Variants in RBM27 observed in about 807,000 individuals in gnomAD.
The protein encoded by RBM27 is RNA-binding protein 27.
A neutral mutation model predicts 135.3 loss-of-function variants in RBM27; 22 were observed. The ratio of observed to expected loss-of-function variants is 0.16; its 90% CI spans 0.12 to 0.23. The LOEUF (loss-of-function observed/expected upper bound fraction) is 0.23. Among genes scored for constraint, RBM27 ranks in the 10% least tolerant of loss-of-function variants. The pLI is 1.00. For missense variants in RBM27, 1,009 were observed against 1,281.0 expected, an observed-to-expected ratio of 0.79 and a Z score of 3.24; for synonymous variants, 481 against 442.4, an observed-to-expected ratio of 1.09 and a Z score of -1.10.
intron 19 of RBM27, among the ~76,000 whole-genome samples, chr5:146,277,205 G>A (rs759610802): frequency 6.6e-6 from 1 of 152,126 alleles, no homozygotes; most frequent in African/African-American, 2.4e-5. Context: ...TAAAGGAGAA[G>A]GCACAACAAA....
chr5:146,239,454 C>CT (rs1191100638), intron 8 of RBM27, among the ~76,000 whole-genome samples: 25 of 127,518 alleles, frequency 2.0e-4, no homozygotes, highest in Admixed American at 2.3e-4. Context: ...CTTCTAACTC[C>CT]TTTTTTTTTT....
At chr5:146,215,084 C>T (rs1305835570) in intron 1 of RBM27, among the ~76,000 whole-genome samples, 1 of 152,112 alleles carries the variant, frequency 6.6e-6, no homozygotes, top group Non-Finnish European at 1.5e-5. Flanking sequence ...GAGTCGCGCT[C>T]TATCGCCCAG....
At chr5:146,216,158 G>A (rs544031839) in intron 1 of RBM27, among the ~76,000 whole-genome samples, 2 of 152,278 alleles carry the variant, frequency 1.3e-5, no homozygotes, top group South Asian at 4.1e-4. Flanking sequence ...TTGGGCTCAT[G>A]TGATTCTCCC....
chr5:146,255,864 T>C (rs1022803785), intron 10 of RBM27, among the ~76,000 whole-genome samples: 3 of 151,686 alleles, frequency 2.0e-5, no homozygotes, highest in Non-Finnish European at 4.4e-5. Context: ...TCTTCTTCTT[T>C]TTTTTTTTTG....
intron 18 of RBM27, 30 bp from the exon 19 acceptor site, chr5:146,271,453 T>C (rs201264510): frequency 1.3e-5 from 20 of 1,550,872 alleles, no homozygotes; most frequent in Non-Finnish European, 1.7e-5. Flanking sequence ...TAATAATGTA[T>C]GCTACATTCT....
rs1262968980 is a variant in RBM27, at chr5:146,229,845, G to C, written c.524G>C (p.Gly175Ala). Residue 175 changes from glycine to alanine, a missense_variant, in exon 5 of 21, where the codon GGC becomes GCC. Physicochemically the swap from Gly to Ala is moderately conservative, Grantham distance 60. Transcript: ENST00000265271. ...GRSKSRSKSR[G>A]LSRSRSRSRG... ...AGTAAGAGTCGGAGTAAGAGTCGAGGCCTGAGTCGCAGTAGAAGCCGAAGT... is the reference window on the plus strand; with the variant it reads ...AGTAAGAGTCGGAGTAAGAGTCGAGCCCTGAGTCGCAGTAGAAGCCGAAGT... The C allele has an allele frequency of 3.1e-6, 5 of 1,614,012 alleles. No individual in the cohort carries two copies. Among genetic ancestry groups the C allele is most frequent in the East Asian group, 2.2e-5 (1 of 44,886 alleles).
In RBM27 at chr5:146,220,431, C is replaced by T. The variant is rs1367259389; in HGVS notation, c.178+1328C>T. 8.1e-5 allele frequency among the ~76,000 whole-genome samples: 12 copies of T among 147,398 alleles called. No individual in the cohort carries two copies. The South Asian group carries it at 2.1e-3, about 26-fold the overall frequency. ...CAGAGGTTGCAGTGAGCCAAGATCG[C>T]GCCACTGCATTCCAGAATGGGCGAC... On this transcript the variant is annotated intron_variant, in intron 2 of 20. Transcript: ENST00000265271.
At chr5:146,206,303 G>GT (rs761175102) in intron 1 of RBM27, among the ~76,000 whole-genome samples, 1,340 of 89,882 alleles carry the variant, frequency 0.015, 28 homozygotes, top group African/African-American at 0.045. Flanking sequence ...TTCGTTTTTT[G>GT]TTTTTTTTTT....
At chr5:146,245,429 AAAGT>A (rs1159372908) in intron 8 of RBM27, among the ~76,000 whole-genome samples, 2 of 152,276 alleles carry the variant, frequency 1.3e-5, no homozygotes, top group Admixed American at 1.3e-4. Flanking sequence ...GATGTGTGAA[AAAGT>A]AAGAGTAGCA....
At chr5:146,220,402 G>C (rs1183779330) in intron 2 of RBM27, among the ~76,000 whole-genome samples, 3 of 151,086 alleles carry the variant, frequency 2.0e-5, no homozygotes, top group African/African-American at 7.3e-5. Flanking sequence ...TTGAACCCAG[G>C]AGGCAGAGGT....
In RBM27 at chr5:146,260,792, A is replaced by G. The variant is rs1758363120; in HGVS notation, c.1787A>G (p.Gln596Arg). 1 of 1,611,982 alleles carries G rather than the reference A, an allele frequency of 6.2e-7. No homozygotes were observed. Residue 596 changes from glutamine to arginine, a missense_variant, in exon 12 of 21, where the codon CAG becomes CGG. Gln to Arg is a conservative substitution (Grantham distance 43). This residue lies in a region of RBM27 where 329 missense variants were observed against 368.1 expected (regional missense o/e 0.89). Transcript: ENST00000265271. Reference sequence around the variant, plus strand: ...AAACCAGGGTTCTTACGAAAGAATCAGTATACAAACACCAAATTAGAAGTC... The same window carrying G: ...AAACCAGGGTTCTTACGAAAGAATCGGTATACAAACACCAAATTAGAAGTC... ...QNKPGFLRKN[Q>R]YTNTKLEVKK... is the part of the protein sequence containing the mutation.
chr5:146,258,410 C>A (rs758899326), intron 10 of RBM27, 39 bp from the exon 11 acceptor site: 2 of 1,488,632 alleles, frequency 1.3e-6, no homozygotes, highest in Non-Finnish European at 1.8e-6. Flanking sequence ...CATTGAGACT[C>A]CTGAAAAACT....
chr5:146,241,524 C>G (rs1170707965), intron 8 of RBM27, among the ~76,000 whole-genome samples: 2 of 152,180 alleles, frequency 1.3e-5, no homozygotes, highest in Non-Finnish European at 2.9e-5. Context: ...CTCTGTTGCC[C>G]AGGCTAGAGT....
At chr5:146,204,304 C>T (rs940730508) in intron 1 of RBM27, among the ~76,000 whole-genome samples, 1 of 151,942 alleles carries the variant, frequency 6.6e-6, no homozygotes, top group African/African-American at 2.4e-5. Flanking sequence ...AGGGCAGAAG[C>T]GGATAGCAGG....
chr5:146,236,983 G>T (rs1348017535), intron 7 of RBM27, among the ~76,000 whole-genome samples: 1 of 145,442 alleles, frequency 6.9e-6, no homozygotes, highest in Non-Finnish European at 1.5e-5. Context: ...TTGTTGCCCA[G>T]GCTGGAGTGC....
intron 19 of RBM27, among the ~76,000 whole-genome samples, chr5:146,276,044 G>A (rs1759079014): frequency 6.6e-6 from 1 of 152,020 alleles, no homozygotes; most frequent in Non-Finnish European, 1.5e-5. Context: ...TGGGATTACA[G>A]GCATGAGCCA....
At chr5:146,215,385 A>T (rs114062219) in intron 1 of RBM27, among the ~76,000 whole-genome samples, 3,350 of 152,276 alleles carry the variant, frequency 0.022, 144 homozygotes, top group African/African-American at 0.077. Context: ...TCAGTTATCC[A>T]ATATCTGAAT....
At chr5:146,252,684 C>G (rs577112292) in intron 9 of RBM27, among the ~76,000 whole-genome samples, 5 of 152,228 alleles carry the variant, frequency 3.3e-5, no homozygotes, top group Non-Finnish European at 7.4e-5. Flanking sequence ...TTGGCATAAG[C>G]AGGGAAGCTG....
In RBM27 at chr5:146,243,721, T is replaced by G. The variant is rs184809752; in HGVS notation, c.1279+6289T>G. Among the ~76,000 whole-genome samples the G allele has an allele frequency of 2.0e-5, 3 of 152,298 alleles. No homozygotes were observed. In the East Asian group the frequency reaches 5.8e-4, roughly 29 times the overall value. On this transcript the variant is annotated intron_variant, in intron 8 of 20. Coordinates refer to ENST00000265271, the MANE Select transcript of RBM27 (RefSeq NM_018989.2). ...TTAAAAGTTTAACAAGTTGGGAAAG[T>G]TTAAATTATGGATATTTTATTGTCA...
Sources: allele counts gnomAD v4.1 joint callset (sites outside exome capture counted in the v4.1 genomes callset), GRCh38; gene constraint gnomAD v4.1.1; regional missense constraint gnomAD v4.1.1; transcripts MANE v1.5; gene names NCBI Gene and HGNC (gene_info 2026-07-23, HGNC 2026-07-21).